Variants in CYBB observed in about 807,000 individuals in gnomAD.
CYBB encodes the protein NADPH oxidase 2.
A neutral mutation model predicts 46.5 loss-of-function variants in CYBB; 5 were observed. The observed-to-expected ratio is 0.11, with a 90% CI of 0.06 to 0.23. The LOEUF (loss-of-function observed/expected upper bound fraction) is 0.23, where lower values mean the gene tolerates loss of function less well. CYBB is among the 10% of genes least tolerant of loss of function. The pLI, the probability that CYBB is intolerant of heterozygous loss-of-function variation, is 1.00. For synonymous variants in CYBB, 183 were observed against 156.7 expected (o/e 1.17, Z -1.26); for missense variants, 307 against 428.3 (o/e 0.72, Z 2.50).
Position 37,798,967 on chromosome X carries a change from T to C in CYBB, c.687T>C (p.Arg229=). The C allele has an allele frequency of 8.3e-7, 1 of 1,207,825 alleles. No homozygotes were observed. Among genetic ancestry groups the C allele is most frequent in the Non-Finnish European group, 1.1e-6 (1 of 892,735 alleles). Residue 229 remains arginine (R), a synonymous_variant, in exon 7 of 13, where the codon CGT becomes CGC. Transcript: ENST00000378588. ...ATTTTTCACCCAGACGAATTGTACG[T>C]GGGCAGACCGCAGAGAGTTTGGCTG... ...LAIHGAERIV[R]GQTAESLAVH... is the part of the protein sequence containing the mutation.
In CYBB at chrX:37,783,531, T is replaced by C; in HGVS notation, c.183T>C (p.Asn61=). The change falls in exon 3 of 13, where the codon AAT becomes AAC. Residue 61 remains asparagine, a synonymous_variant. Transcript: ENST00000378588. The stretch of plus-strand genomic sequence containing the variant: ...CCAGGGCCCCTGCAGCCTGCCTGAA[T>C]TTCAACTGCATGCTGATTCTCTTGC... ...ALARAPAACL[N]FNCMLILLPV... is the part of the protein sequence containing the mutation. The C allele has an allele frequency of 8.3e-7, 1 of 1,210,661 alleles. No homozygotes were observed. Among genetic ancestry groups the C allele is most frequent in the Non-Finnish European group, 1.1e-6 (1 of 894,332 alleles).
intron 11 of CYBB, 125 bp downstream of exon 11, chrX:37,806,658 G>C: frequency 3.1e-6 from 2 of 645,457 alleles, no homozygotes; most frequent in Non-Finnish European, 4.9e-6. Flanking sequence ...TTGGTGATCC[G>C]GTCCATTCAC....
At chrX:37,786,842 T>C (rs782272590) in intron 3 of CYBB, among the ~76,000 whole-genome samples, 115 of 111,241 alleles carry the variant, frequency 1.0e-3, no homozygotes, top group Middle Eastern at 9.4e-3. Flanking sequence ...TCAGAGGCAC[T>C]CAGTGTGCCT....
chrX:37,808,030 G>T (rs1483395944), intron 11 of CYBB, among the ~76,000 whole-genome samples: 1 of 112,495 alleles, frequency 8.9e-6, no homozygotes. Context: ...TGGCCTGGAA[G>T]CAGCATAAGC....
chrX:37,785,459 T>C (rs140248108), intron 3 of CYBB, among the ~76,000 whole-genome samples: 1,602 of 112,639 alleles, frequency 0.014, 36 homozygotes, highest in African/African-American at 0.048. Flanking sequence ...TTACACTCAA[T>C]TGAAAGTTTT....
chrX:37,791,586 G>A (rs1251129999), intron 3 of CYBB, among the ~76,000 whole-genome samples: 2 of 112,006 alleles, frequency 1.8e-5, no homozygotes, highest in South Asian at 3.6e-4. Context: ...GTCCCCACTT[G>A]ACTATGAGGT....
At chrX:37,798,837 G>A (rs782554499) in intron 6 of CYBB, 118 bp from the exon 7 acceptor site, 85 of 732,827 alleles carry the variant, frequency 1.2e-4, no homozygotes, top group Non-Finnish European at 1.6e-4. Context: ...ATAAGCTATC[G>A]CTTTTAAGTG....
chrX:37,804,687 G>A (rs1929514307), intron 9 of CYBB, among the ~76,000 whole-genome samples: 1 of 109,562 alleles, frequency 9.1e-6, no homozygotes, highest in Admixed American at 9.7e-5. Context: ...TCAAGAGTGG[G>A]ATGTCCTGGC....
At chrX:37,795,622 C>T (rs1340265177) in intron 5 of CYBB, among the ~76,000 whole-genome samples, 2 of 111,930 alleles carry the variant, frequency 1.8e-5, no homozygotes, top group African/African-American at 6.5e-5. Context: ...AGCCTTCAGA[C>T]ACTTTTAGGA....
At chrX:37,798,150 T>C (rs1421194334) in intron 6 of CYBB, 1 of 111,883 alleles carries the variant, frequency 8.9e-6, no homozygotes, top group Non-Finnish European at 1.9e-5. Context: ...ACAATGGGTT[T>C]TCTGTGTCTT....
Position 37,809,727 on chromosome X carries a change from G to A in CYBB, c.1586+36G>A, listed in dbSNP as rs1569480347. The A allele has an allele frequency of 3.3e-6, 4 of 1,200,700 alleles. No individual in the cohort carries two copies. The South Asian group carries it at 7.1e-5, about 21-fold the overall frequency. ...TGTCACCAAGATGTTTTTGAGGCTTGCATCTGCCTAAAGCGGCAGCCCCTA... is the reference window on the plus strand; with the variant it reads ...TGTCACCAAGATGTTTTTGAGGCTTACATCTGCCTAAAGCGGCAGCCCCTA... On this transcript the variant is annotated intron_variant, in intron 12 of 12. Transcript: ENST00000378588.
At chrX:37,805,399 G>C (rs782134904) in intron 10 of CYBB, among the ~76,000 whole-genome samples, 1 of 111,836 alleles carries the variant, frequency 8.9e-6, no homozygotes, top group Non-Finnish European at 1.9e-5. Flanking sequence ...GTATAGTGTT[G>C]CTGGAAATTC....
intron 11 of CYBB, among the ~76,000 whole-genome samples, chrX:37,806,876 CTG>C (rs1321989433): frequency 2.7e-4 from 28 of 104,036 alleles, no homozygotes; most frequent in African/African-American, 6.4e-4. Context: ...CTCTGTCTCT[CTG>C]TCTCTCTCTC....
intron 3 of CYBB, among the ~76,000 whole-genome samples, chrX:37,789,081 G>A (rs1350590897): frequency 9.0e-6 from 1 of 111,074 alleles, no homozygotes; most frequent in Non-Finnish European, 1.9e-5. Context: ...CCTTGCTGGT[G>A]ATCATCTAGG....
intron 6 of CYBB, among the ~76,000 whole-genome samples, chrX:37,798,733 T>A (rs1174340895): frequency 8.9e-6 from 1 of 112,242 alleles, no homozygotes; most frequent in Non-Finnish European, 1.9e-5. Flanking sequence ...CTCTATAATG[T>A]TACATGTAAA....
intron 2 of CYBB, among the ~76,000 whole-genome samples, 192 bp downstream of exon 2, chrX:37,782,375 TGGGGCAGA>T (rs1251320736): frequency 8.9e-6 from 1 of 112,361 alleles, no homozygotes; most frequent in Non-Finnish European, 1.9e-5. Flanking sequence ...CCAACAAAAG[TGGGGCAGA>T]GGGCCCCAGT....
chrX:37,804,485 A>G (rs1383964297), intron 9 of CYBB, among the ~76,000 whole-genome samples: 4 of 112,088 alleles, frequency 3.6e-5, no homozygotes, highest in African/African-American at 1.3e-4. Context: ...GTTAAATGCC[A>G]TATATTAGCC....
At chrX:37,788,363 C>G (rs1199613690) in intron 3 of CYBB, among the ~76,000 whole-genome samples, 5 of 111,606 alleles carry the variant, frequency 4.5e-5, no homozygotes, top group African/African-American at 1.6e-4. Context: ...GTAAATTCAT[C>G]TCTATAGGTT....
At chrX:37,791,504 C>CAA (rs1397029427) in intron 3 of CYBB, among the ~76,000 whole-genome samples, 1 of 111,593 alleles carries the variant, frequency 9.0e-6, no homozygotes, top group Non-Finnish European at 1.9e-5. Context: ...TTTCTCCTCT[C>CAA]ATAGTGTGTA....
Sources: gnomAD v4.1 joint callset for allele counts (sites outside exome capture counted in the v4.1 genomes callset) on GRCh38, gnomAD v4.1.1 for gene constraint, MANE v1.5 for transcripts, NCBI Gene and HGNC (gene_info 2026-07-23, HGNC 2026-07-21) for gene names.